ANKRD30B: variants seen among roughly 807,000 people sequenced by gnomAD.
ANKRD30B encodes ankyrin repeat domain 30B.
In ANKRD30B, 144 loss-of-function variants were observed where a neutral mutation model predicts 202.2. The observed-to-expected ratio is 0.71, with a 90% confidence interval of 0.62 to 0.82. The LOEUF (loss-of-function observed/expected upper bound fraction) is 0.82, where lower values mean the gene tolerates loss of function less well. Among genes scored for constraint, ANKRD30B ranks in the 40% least tolerant of loss-of-function variants. The pLI is 0.00. For missense variants in ANKRD30B, 1,487 were observed against 1,669.1 expected (o/e 0.89, Z 1.90); for synonymous variants, 508 against 561.3 (o/e 0.91, Z 1.34).
the ANKRD30B span, among the ~76,000 whole-genome samples, chr18:14,923,485 G>C: frequency 6.6e-6 from 1 of 152,114 alleles, no homozygotes; most frequent in Non-Finnish European, 1.5e-5. Flanking sequence ...CTCAGCTGCA[G>C]TAGAATGGAC....
chr18:14,790,690 A>G (rs1217573938), intron 15 of ANKRD30B, among the ~76,000 whole-genome samples: 1 of 152,108 alleles, frequency 6.6e-6, no homozygotes. Context: ...GCTGGATTAC[A>G]TTTATTGATT....
the ANKRD30B span, among the ~76,000 whole-genome samples, chr18:14,879,453 A>G: frequency 2.0e-5 from 3 of 152,138 alleles, no homozygotes; most frequent in Admixed American, 6.5e-5. Flanking sequence ...TTAATATAAG[A>G]TCCGCAATCC....
intron 8 of ANKRD30B, among the ~76,000 whole-genome samples, chr18:14,771,633 T>G (rs536042150): frequency 1.6e-3 from 239 of 152,346 alleles, no homozygotes; most frequent in African/African-American, 5.5e-3. Flanking sequence ...CAACAGGGCC[T>G]TCTTAAGTGG....
At chr18:14,821,317 C>T (rs1221978859) in intron 30 of ANKRD30B, among the ~76,000 whole-genome samples, 4 of 151,850 alleles carry the variant, frequency 2.6e-5, no homozygotes, top group African/African-American at 9.7e-5. Flanking sequence ...AAAACCAGCT[C>T]CTGGATTCAT....
chr18:14,785,894 C>A lies in ANKRD30B; in HGVS notation c.1673-1145C>A, dbSNP rs551833542. Among the ~76,000 whole-genome samples the A allele has an allele frequency of 2.0e-5, 3 of 151,868 alleles. No homozygotes were observed. The South Asian group carries it at 6.2e-4, about 32-fold the overall frequency. On this transcript the variant is annotated intron_variant, in intron 14 of 43. Transcript: ENST00000690538. ...TCTACTAAAAATACAAAAAATTAGC[C>A]GGGTGCGGTGGCGGGCGCCTGTAGT... is the stretch of plus-strand genomic sequence containing the variant.
At chr18:14,764,190 A>G in intron 7 of ANKRD30B, 100 bp downstream of exon 7, 2 of 1,248,756 alleles carry the variant, frequency 1.6e-6, no homozygotes, top group Non-Finnish European at 2.2e-6. Flanking sequence ...TTGAATATCT[A>G]AATAAGGCAA....
intron 1 of ANKRD30B, among the ~76,000 whole-genome samples, chr18:14,748,865 T>C (rs1912938088): frequency 6.6e-6 from 1 of 152,206 alleles, no homozygotes; most frequent in Admixed American, 6.5e-5. Flanking sequence ...CAGGCCACCT[T>C]AAAATCAACC....
At chr18:14,908,148 C>A in the ANKRD30B span, among the ~76,000 whole-genome samples, 1 of 152,130 alleles carries the variant, frequency 6.6e-6, no homozygotes, top group Non-Finnish European at 1.5e-5. Flanking sequence ...GGAGGCATGG[C>A]TAGCAGAGGT....
At chr18:14,772,299 G>T (rs1479867687) in intron 9 of ANKRD30B, 71 bp downstream of exon 9, 31 of 912,316 alleles carry the variant, frequency 3.4e-5, no homozygotes, top group Non-Finnish European at 4.5e-5. Flanking sequence ...CTTAGCAGTG[G>T]TGTATGTATC....
chr18:14,850,410 T>C, intron 41 of ANKRD30B, 28 bp downstream of exon 41: 1 of 1,476,678 alleles, frequency 6.8e-7, no homozygotes, highest in Non-Finnish European at 9.0e-7. Context: ...AAAAATTTTA[T>C]ATTTCTGACT....
intron 30 of ANKRD30B, among the ~76,000 whole-genome samples, chr18:14,819,376 A>T (rs993829173): frequency 3.3e-5 from 5 of 150,658 alleles, no homozygotes; most frequent in African/African-American, 4.9e-5. Flanking sequence ...ATTAGATCCC[A>T]TTTGTCAATT....
At chr18:14,772,717 T>G (rs1967085809) in intron 9 of ANKRD30B, among the ~76,000 whole-genome samples, 3 of 151,728 alleles carry the variant, frequency 2.0e-5, no homozygotes, top group South Asian at 2.1e-4. Context: ...GGGTTTTTTT[T>G]TTTTTTTTTT....
chr18:14,808,467 A>C, intron 24 of ANKRD30B, 84 bp from the exon 25 acceptor site: 1 of 1,307,238 alleles, frequency 7.6e-7, no homozygotes, highest in Non-Finnish European at 1.1e-6. Context: ...ATGAGGACTC[A>C]TCTTCATATT....
chr18:14,762,386 CA>C (rs1425619716), intron 6 of ANKRD30B, among the ~76,000 whole-genome samples: 1 of 152,128 alleles, frequency 6.6e-6, no homozygotes, highest in African/African-American at 2.4e-5. Context: ...AAAACTTAGC[CA>C]GGGTGCATCA....
At chr18:14,777,209 T>C (rs1316986455) in intron 9 of ANKRD30B, among the ~76,000 whole-genome samples, 1 of 152,220 alleles carries the variant, frequency 6.6e-6, no homozygotes, top group Non-Finnish European at 1.5e-5. Flanking sequence ...CTACAAAGCA[T>C]ACGTGAGGTT....
chr18:14,884,622 A>C, the ANKRD30B span, among the ~76,000 whole-genome samples: 4 of 152,146 alleles, frequency 2.6e-5, no homozygotes, highest in Non-Finnish European at 4.4e-5. Context: ...ATTCAATGAT[A>C]AGAATTTGGA....
At chr18:14,795,508 G>T (rs993440644) in intron 16 of ANKRD30B, among the ~76,000 whole-genome samples, 1 of 152,180 alleles carries the variant, frequency 6.6e-6, no homozygotes, top group Non-Finnish European at 1.5e-5. Flanking sequence ...GTATTAGTTT[G>T]TGGATGGGTG....
At chr18:14,866,325 T>G in the ANKRD30B span, among the ~76,000 whole-genome samples, 2 of 149,754 alleles carry the variant, frequency 1.3e-5, no homozygotes, top group Non-Finnish European at 1.5e-5. Context: ...GTGGCTGGAG[T>G]GTTAGGAGGG....
intron 3 of ANKRD30B, among the ~76,000 whole-genome samples, chr18:14,753,729 G>C (rs937710608): frequency 6.6e-6 from 1 of 151,948 alleles, no homozygotes; most frequent in Non-Finnish European, 1.5e-5. Flanking sequence ...TCTTTTATTA[G>C]AATGCCTTTA....
Sources: allele counts gnomAD v4.1 joint callset (sites outside exome capture counted in the v4.1 genomes callset), GRCh38; gene constraint gnomAD v4.1.1; transcripts MANE v1.5; gene names NCBI Gene and HGNC (gene_info 2026-07-23, HGNC 2026-07-21).